The following RNF170 variants were observed in gnomAD, a reference collection of about 807,000 sequenced individuals.
RNF170 encodes the protein ring finger protein 170, also known as E3 ubiquitin-protein ligase RNF170.
In RNF170, 12 loss-of-function variants were observed where a neutral mutation model predicts 32.7. The observed-to-expected ratio is 0.37, with a 90% CI of 0.24 to 0.60. The LOEUF (loss-of-function observed/expected upper bound fraction) is 0.60. Ranked by LOEUF, RNF170 falls within the 20% of genes least tolerant of loss-of-function variation. The probability of loss-of-function intolerance (pLI) is 0.72; values close to 1 mark genes in which losing one functional copy is unlikely to be tolerated. For synonymous variants in RNF170, 91 were observed against 103.6 expected (o/e 0.88, Z 0.74); for missense variants, 212 against 311.2 (o/e 0.68, Z 2.40).
chr8:42,888,940 ATATAT>A (rs1045323999), intron 1 of RNF170, among the ~76,000 whole-genome samples: 3 of 152,310 alleles, frequency 2.0e-5, no homozygotes, highest in Non-Finnish European at 2.9e-5. Context: ...AGGAAAGGAA[ATATAT>A]TATAGTTTTC....
Position 42,855,945 on chromosome 8 carries a change from T to C in RNF170, c.*214A>G, listed in dbSNP as rs1219839107. On this transcript the variant is annotated 3_prime_UTR_variant, in exon 7 of 7. Transcript: ENST00000527424. Reference sequence around the variant, plus strand: ...AGAATCAAGATACAACTGTAGATCATTATAATTCTAAACTTAATATTAGAA... The same window carrying C: ...AGAATCAAGATACAACTGTAGATCACTATAATTCTAAACTTAATATTAGAA... 7.4e-7 allele frequency: 1 copy of C among 1,354,092 alleles called. No homozygotes were observed. Among genetic ancestry groups the C allele is most frequent in the Admixed American group, 2.2e-5 (1 of 45,640 alleles). 83.9% of individuals were successfully genotyped at this position (1,354,092 alleles called of 1,614,324 possible). A position where few individuals can be genotyped will look rare whatever the true frequency, so the allele number is the denominator to read the frequency against.
At chr8:42,863,367 C>T (rs1803802479) in intron 5 of RNF170, among the ~76,000 whole-genome samples, 1 of 152,024 alleles carries the variant, frequency 6.6e-6, no homozygotes, top group Admixed American at 6.6e-5. Context: ...TAATGTAAGA[C>T]CTACTCCCTA....
chr8:42,854,340 G>A lies in RNF170; in HGVS notation c.*1819C>T, dbSNP rs772329954. 9.3e-6 allele frequency: 12 copies of A among 1,287,058 alleles called. No individual in the cohort carries two copies. The African/African-American group carries it at 1.8e-4, about 20-fold the overall frequency. The allele number at this position is 1,287,058 out of a possible 1,614,324, so 79.7% of individuals were successfully genotyped here. A position where few individuals can be genotyped will look rare whatever the true frequency, so the allele number is the denominator to read the frequency against. The stretch of plus-strand genomic sequence containing the variant: ...GCAGGAGTCCTACTAAGAAATTTTG[G>A]TGTAATGCCACTTTGATCAGTTATT... On this transcript the variant is annotated 3_prime_UTR_variant, in exon 7 of 7. Transcript: ENST00000527424.
At chr8:42,852,230 A>G (rs1191203170), downstream of RNF170, among the ~76,000 whole-genome samples, 3 of 152,132 alleles carry the variant, frequency 2.0e-5, no homozygotes, top group African/African-American at 7.2e-5. Context: ...AAACTGGTCA[A>G]TGTGGTGTCC....
intron 3 of RNF170, 106 bp from the exon 4 acceptor site, chr8:42,870,218 A>C: frequency 1.0e-5 from 8 of 778,278 alleles, no homozygotes; most frequent in East Asian, 2.6e-5. Context: ...TGTAACCCTC[A>C]TCAAACTGTA....
intron 2 of RNF170, chr8:42,881,369 T>C (rs1352170807): frequency 6.6e-6 from 1 of 152,202 alleles, no homozygotes; most frequent in Non-Finnish European, 1.5e-5. Context: ...GGCATCAATA[T>C]GATGACGTCC....
At chr8:42,892,724 C>T (rs1334172630) in intron 1 of RNF170, among the ~76,000 whole-genome samples, 10 of 148,676 alleles carry the variant, frequency 6.7e-5, no homozygotes, top group Admixed American at 4.0e-4. Flanking sequence ...CTGTGATTCA[C>T]GCCTGTAATC....
chr8:42,873,810 G>C (rs1396623166), intron 3 of RNF170, 121 bp downstream of exon 3: 1 of 685,660 alleles, frequency 1.5e-6, no homozygotes, highest in African/African-American at 1.8e-5. Flanking sequence ...AATAATATAA[G>C]GTAATTTGAA....
At chr8:42,858,454 C>T (rs1016796962) in intron 6 of RNF170, among the ~76,000 whole-genome samples, 3 of 152,200 alleles carry the variant, frequency 2.0e-5, no homozygotes, top group African/African-American at 4.8e-5. Context: ...ATTCAACACA[C>T]ATTAAGGCAC....
At chr8:42,857,566 A>C (rs1007597358) in intron 6 of RNF170, among the ~76,000 whole-genome samples, 1 of 152,242 alleles carries the variant, frequency 6.6e-6, no homozygotes, top group Non-Finnish European at 1.5e-5. Context: ...GTTTAGTAAG[A>C]AATGTTTCTG....
chr8:42,853,605 ATTG>A lies in RNF170; in HGVS notation c.*2551_*2553del, dbSNP rs771907358. On this transcript the variant is annotated 3_prime_UTR_variant, in exon 7 of 7. Transcript: ENST00000527424. ...CCATCTGTTTTATGACAGTTATGAT[ATTG>A]TTGTTTAAAAAAAATCCAAATTGTT... 1.3e-4 allele frequency: 166 copies of A among 1,284,166 alleles called. No homozygotes were observed. Among genetic ancestry groups the A allele is most frequent in the Non-Finnish European group, 1.6e-4 (157 of 986,784 alleles). 79.5% of individuals were successfully genotyped at this position (1,284,166 alleles called of 1,614,324 possible).
Position 42,861,984 on chromosome 8 carries a change from A to G in RNF170, c.397-129T>C, listed in dbSNP as rs1400219839. 9.1e-6 allele frequency: 9 copies of G among 990,178 alleles called. No homozygotes were observed. In the South Asian group the frequency reaches 1.7e-4, roughly 19 times the overall value. 61.3% of individuals were successfully genotyped at this position (990,178 alleles called of 1,614,324 possible). ...TTTCACTCATTTTTAAATAAAGGCA[A>G]CCTGGGGGAGGGGAGTAAGTAACTG... is the stretch of plus-strand genomic sequence containing the variant. On this transcript the variant is annotated intron_variant, in intron 5 of 6. Transcript: ENST00000527424.
chr8:42,853,339 G>T lies in RNF170; in HGVS notation c.*2820C>A. The stretch of plus-strand genomic sequence containing the variant: ...TTGCTTTTATTCAAAAGAATAAAAT[G>T]CTTGACAAACTCTTTAATCACAAGG... On this transcript the variant is annotated 3_prime_UTR_variant, in exon 7 of 7. Coordinates refer to ENST00000527424, the MANE Select transcript of RNF170 (RefSeq NM_030954.4). 8.1e-7 allele frequency: 1 copy of T among 1,228,394 alleles called. No individual in the cohort carries two copies. Among genetic ancestry groups the T allele is most frequent in the Non-Finnish European group, 1.0e-6 (1 of 957,800 alleles). The allele number at this position is 1,228,394 out of a possible 1,614,324, so 76.1% of individuals were successfully genotyped here.
intron 1 of RNF170, 132 bp from the exon 2 acceptor site, chr8:42,888,003 C>A: frequency 1.3e-6 from 1 of 768,818 alleles, no homozygotes; most frequent in Non-Finnish European, 2.2e-6. Flanking sequence ...AGTACAACTC[C>A]AGTGGGGACT....
chr8:42,881,963 G>A (rs967959313), intron 2 of RNF170, among the ~76,000 whole-genome samples: 5 of 152,090 alleles, frequency 3.3e-5, no homozygotes, highest in Admixed American at 1.3e-4. Context: ...CCAGATAGAC[G>A]AATGGCCACT....
intron 6 of RNF170, among the ~76,000 whole-genome samples, chr8:42,860,067 A>C (rs1338727423): frequency 6.6e-6 from 1 of 152,228 alleles, no homozygotes; most frequent in Non-Finnish European, 1.5e-5. Context: ...CAAAACTGAG[A>C]AAAGAACAGA....
At chr8:42,869,289 A>G (rs1160368157) in intron 4 of RNF170, among the ~76,000 whole-genome samples, 1 of 152,156 alleles carries the variant, frequency 6.6e-6, no homozygotes, top group East Asian at 1.9e-4. Context: ...TGTCCAATAC[A>G]TAGGCATGTA....
At chr8:42,863,736 G>A (rs186238074) in intron 5 of RNF170, among the ~76,000 whole-genome samples, 58 of 152,254 alleles carry the variant, frequency 3.8e-4, no homozygotes, top group Non-Finnish European at 1.0e-4. Context: ...CATCACGCCC[G>A]GCCATAAGCT....
Position 42,855,617 on chromosome 8 carries a change from AAAT to A in RNF170, c.*539_*541del, listed in dbSNP as rs1220240302. The A allele has an allele frequency of 7.8e-7, 1 of 1,281,496 alleles. No individual in the cohort carries two copies. Among genetic ancestry groups the A allele is most frequent in the Non-Finnish European group, 1.0e-6 (1 of 983,244 alleles). 79.4% of individuals were successfully genotyped at this position (1,281,496 alleles called of 1,614,324 possible). A position where few individuals can be genotyped will look rare whatever the true frequency, so the allele number is the denominator to read the frequency against. The stretch of plus-strand genomic sequence containing the variant: ...TCTTCTTTCAGTTTCAGCTGATAGC[AAAT>A]AATTAATTATACCAGAATGAAAAGG... On this transcript the variant is annotated 3_prime_UTR_variant, in exon 7 of 7. Transcript: ENST00000527424.
Sources: gnomAD v4.1 joint callset for allele counts (sites outside exome capture counted in the v4.1 genomes callset) on GRCh38, gnomAD v4.1.1 for gene constraint, MANE v1.5 for transcripts, NCBI Gene and HGNC (gene_info 2026-07-23, HGNC 2026-07-21) for gene names.